Variants in PRKN observed in about 807,000 individuals in gnomAD.
PRKN encodes the protein parkin RBR E3 ubiquitin protein ligase, also known as E3 ubiquitin-protein ligase parkin.
In PRKN, 56 loss-of-function variants were observed where a neutral mutation model predicts 59.5. The ratio of observed to expected loss-of-function variants is 0.94; its 90% CI spans 0.76 to 1.18. The LOEUF (loss-of-function observed/expected upper bound fraction) is 1.18, where lower values mean the gene tolerates loss of function less well. PRKN is among the 50% of genes most tolerant of loss of function. The pLI, the probability that PRKN is intolerant of heterozygous loss-of-function variation, is 0.00. For synonymous variants in PRKN, 250 were observed against 222.1 expected (o/e 1.13, Z -1.12); for missense variants, 657 against 596.4 (o/e 1.10, Z -1.06).
rs1443975784 is a variant in PRKN, at chr6:161,353,067, C to T, written c.1286-2856G>A. The stretch of plus-strand genomic sequence containing the variant: ...TGCTGGGATTACAGGCATGAGCCAC[C>T]GCGCCTGGCTGATAGATGTGTTTTT... On this transcript the variant is annotated intron_variant, in intron 11 of 11. Transcript: ENST00000366898. The surrounding 1 kb of genome is among the most constrained non-coding windows in gnomAD (Gnocchi z 4.8). Among the ~76,000 whole-genome samples, 1 of 152,118 alleles carries T rather than the reference C, an allele frequency of 6.6e-6. No homozygotes were observed. Among genetic ancestry groups the T allele is most frequent in the Admixed American group, 6.6e-5 (1 of 15,262 alleles).
chr6:161,832,664 C>A (rs1179323331), intron 6 of PRKN, among the ~76,000 whole-genome samples: 1 of 151,472 alleles, frequency 6.6e-6, no homozygotes, highest in Non-Finnish European at 1.5e-5. Context: ...CAGTGTATAC[C>A]CGCGGAACTG....
At chr6:162,361,976 A>G (rs1211671037) in intron 2 of PRKN, among the ~76,000 whole-genome samples, 2 of 152,224 alleles carry the variant, frequency 1.3e-5, no homozygotes, top group African/African-American at 4.8e-5. Context: ...ATGCATATGA[A>G]TTATGAAAAA....
At chr6:162,644,493 T>A (rs1041302527) in intron 1 of PRKN, among the ~76,000 whole-genome samples, 4 of 152,180 alleles carry the variant, frequency 2.6e-5, no homozygotes, top group African/African-American at 9.7e-5. Context: ...TGGGAGAATA[T>A]GTATCTGCAG....
intron 1 of PRKN, among the ~76,000 whole-genome samples, chr6:162,709,694 T>A (rs2128238354): frequency 6.6e-6 from 1 of 152,290 alleles, no homozygotes; most frequent in East Asian, 1.9e-4. Context: ...CATGAAACAG[T>A]AACTGGCTAA....
At chr6:161,716,733 C>T (rs931529560) in intron 7 of PRKN, among the ~76,000 whole-genome samples, 1 of 152,144 alleles carries the variant, frequency 6.6e-6, no homozygotes, top group Non-Finnish European at 1.5e-5. Context: ...CAAAACAGTG[C>T]CAAGTGGACG....
rs144828403 is a variant in PRKN, at chr6:162,190,722, G to A, written c.534+10409C>T. 8.9e-4 allele frequency among the ~76,000 whole-genome samples: 135 copies of A among 152,176 alleles called. 1 individual carries two copies. The highest frequency in any genetic ancestry group is 3.3e-3 in the East Asian group (17 of 5,168). ...ATTTTCAGGGAGACTCCCCTGCCCCGCACATTTTATCACTGTAAGATAAGA... is the reference window on the plus strand; with the variant it reads ...ATTTTCAGGGAGACTCCCCTGCCCCACACATTTTATCACTGTAAGATAAGA... On this transcript the variant is annotated intron_variant, in intron 4 of 11. Coordinates refer to ENST00000366898, the MANE Select transcript of PRKN (RefSeq NM_004562.3).
intron 4 of PRKN, among the ~76,000 whole-genome samples, chr6:162,098,421 C>G (rs1018286893): frequency 6.6e-5 from 10 of 152,142 alleles, no homozygotes; most frequent in Non-Finnish European, 1.5e-4. Flanking sequence ...TTCCTGCACA[C>G]TGATGGTATG....
chr6:161,854,015 G>C (rs1055732615), intron 6 of PRKN, among the ~76,000 whole-genome samples: 1 of 151,128 alleles, frequency 6.6e-6, no homozygotes, highest in Non-Finnish European at 1.5e-5. Flanking sequence ...GGAGACCAAG[G>C]CAGGTGGATC....
At chr6:162,042,147 T>C (rs1291346165) in intron 5 of PRKN, among the ~76,000 whole-genome samples, 6 of 151,900 alleles carry the variant, frequency 3.9e-5, no homozygotes. Flanking sequence ...AATAAATTCA[T>C]TCAAATAAAA....
chr6:161,687,459 T>A (rs1194931635), intron 7 of PRKN, among the ~76,000 whole-genome samples: 1 of 144,108 alleles, frequency 6.9e-6, no homozygotes, highest in Non-Finnish European at 1.5e-5. Flanking sequence ...TTTTTTAAAT[T>A]AAAAAAAAAT....
intron 7 of PRKN, among the ~76,000 whole-genome samples, chr6:161,637,102 A>G (rs552828770): frequency 6.6e-6 from 1 of 152,194 alleles, no homozygotes; most frequent in African/African-American, 2.4e-5. Flanking sequence ...TTGGTGGAAG[A>G]GGTAAGATGT....
At chr6:161,716,288 T>C (rs1331829257) in intron 7 of PRKN, among the ~76,000 whole-genome samples, 2 of 152,216 alleles carry the variant, frequency 1.3e-5, no homozygotes, top group African/African-American at 4.8e-5. Flanking sequence ...CTAGAGGCAT[T>C]TTCTGGGCCT....
chr6:162,224,599 C>T (rs914623181), intron 3 of PRKN, among the ~76,000 whole-genome samples: 1 of 152,150 alleles, frequency 6.6e-6, no homozygotes, highest in East Asian at 1.9e-4. Flanking sequence ...GTCATTTATA[C>T]TTTCCCAGTT....
At position 162,518,357 on chromosome 6, in the gene PRKN, G is replaced by C. The variant is rs552048711; in HGVS notation, c.8-74884C>G. Among the ~76,000 whole-genome samples the C allele has an allele frequency of 1.4e-4, 21 of 152,194 alleles. No homozygotes were observed. In the South Asian group the frequency reaches 4.4e-3, roughly 32 times the overall value. On this transcript the variant is annotated intron_variant, in intron 1 of 11. Transcript: ENST00000366898. The stretch of plus-strand genomic sequence containing the variant: ...TGCTATTTATAATTATTTAACAGTA[G>C]GTTAGCATATTTATTGATATATTTT...
chr6:161,898,898 T>C (rs958123414), intron 6 of PRKN, among the ~76,000 whole-genome samples: 3 of 152,198 alleles, frequency 2.0e-5, no homozygotes, highest in Non-Finnish European at 4.4e-5. Context: ...TGATGGGGAA[T>C]AATGTCTAAA....
At chr6:162,005,775 T>G (rs1782227067) in intron 5 of PRKN, among the ~76,000 whole-genome samples, 2 of 152,170 alleles carry the variant, frequency 1.3e-5, no homozygotes, top group South Asian at 2.1e-4. Flanking sequence ...TAACCTTTTT[T>G]GGGGGGAAAA....
At chr6:161,406,677 T>C (rs544511663) in intron 9 of PRKN, among the ~76,000 whole-genome samples, 1 of 152,168 alleles carries the variant, frequency 6.6e-6, no homozygotes, top group Non-Finnish European at 1.5e-5. Flanking sequence ...GCCCCAGTCA[T>C]TTCCATTCTC....
chr6:162,642,784 G>T (rs2128224856), intron 1 of PRKN, among the ~76,000 whole-genome samples: 1 of 151,888 alleles, frequency 6.6e-6, no homozygotes, highest in East Asian at 1.9e-4. Context: ...TTCACCTCAT[G>T]TGAAGTCTTA....
At chr6:161,511,592 C>T (rs541473057) in intron 9 of PRKN, among the ~76,000 whole-genome samples, 1 of 152,272 alleles carries the variant, frequency 6.6e-6, no homozygotes, top group Non-Finnish European at 1.5e-5. Context: ...TGACAATTGA[C>T]TGGACACGTT....
Sources: allele counts gnomAD v4.1 joint callset (sites outside exome capture counted in the v4.1 genomes callset), GRCh38; gene constraint gnomAD v4.1.1; non-coding constraint Gnocchi (gnomAD v3.1); transcripts MANE v1.5; gene names NCBI Gene and HGNC (gene_info 2026-07-23, HGNC 2026-07-21).